WIPI1: variants seen among roughly 807,000 people sequenced by gnomAD.
WIPI1 encodes WD repeat domain phosphoinositide-interacting protein 1.
WIPI1 carries 45 observed loss-of-function variants against 55.3 expected under a neutral mutation model. That is an observed-to-expected ratio of 0.81 (90% CI 0.64 to 1.04). The LOEUF is 1.04. WIPI1 is among the 50% of genes least tolerant of loss of function. WIPI1 has a pLI of 0.00. For synonymous variants in WIPI1, 195 were observed against 217.6 expected (o/e 0.90, Z 0.92); for missense variants, 445 against 559.0 (o/e 0.80, Z 2.06).
intron 8 of WIPI1, among the ~76,000 whole-genome samples, chr17:68,431,834 G>C (rs1042847940): frequency 3.3e-4 from 7 of 21,240 alleles, no homozygotes; most frequent in African/African-American, 1.6e-3. Context: ...CTCACAGACA[G>C]AAACGGGAGA....
At chr17:68,433,612 G>C in intron 7 of WIPI1, 37 bp from the exon 8 acceptor site, 1 of 1,553,886 alleles carries the variant, frequency 6.4e-7, no homozygotes, top group East Asian at 2.2e-5. Context: ...GTGAGCAAGA[G>C]AAATGGGAGT....
intron 12 of WIPI1, chr17:68,422,151 G>T: frequency 4.1e-6 from 1 of 243,746 alleles, no homozygotes; most frequent in Non-Finnish European, 8.2e-6. Context: ...GTTTAGGCTG[G>T]GCGCGGTGGC....
rs531426142 is a variant in WIPI1 at position 68,449,083 on chromosome 17, G to T, written c.333+1645C>A. 4.6e-5 allele frequency among the ~76,000 whole-genome samples: 7 copies of T among 152,154 alleles called. No homozygotes were observed. In the East Asian group the frequency reaches 9.6e-4, roughly 21 times the overall value. ...TAAAAAGCATTTATTTGTCTCATTT[G>T]TTAAAAAAAATTAATTAGTACTTAA... On this transcript the variant is annotated intron_variant, in intron 3 of 12. Transcript: ENST00000262139.
At position 68,435,728 on chromosome 17, in the gene WIPI1, A is replaced by G; in HGVS notation, c.529-16T>C. Reference sequence around the variant, plus strand: ...AGACTGTTTTCTGTTGGTGAAAAGGAAAAATGGATACAGATGCTGCGGAGG... The same window carrying G: ...AGACTGTTTTCTGTTGGTGAAAAGGGAAAATGGATACAGATGCTGCGGAGG... On this transcript the variant is annotated splice_polypyrimidine_tract_variant and intron_variant, in intron 5 of 12. Transcript: ENST00000262139. 6.2e-7 allele frequency: 1 copy of G among 1,611,186 alleles called. No homozygotes were observed. The highest frequency in any genetic ancestry group is 1.7e-5 in the Admixed American group (1 of 60,016).
intron 4 of WIPI1, among the ~76,000 whole-genome samples, chr17:68,443,321 C>T (rs757310902): frequency 2.0e-5 from 3 of 152,144 alleles, no homozygotes; most frequent in Non-Finnish European, 4.4e-5. Context: ...TCATGTTGGT[C>T]AGGCTGGTCT....
chr17:68,433,345 T>G, intron 8 of WIPI1, 123 bp downstream of exon 8: 1 of 926,668 alleles, frequency 1.1e-6, no homozygotes, highest in Non-Finnish European at 1.7e-6. Flanking sequence ...ATCACTTAGG[T>G]GAAGTCCCAA....
intron 7 of WIPI1, among the ~76,000 whole-genome samples, 176 bp downstream of exon 7, chr17:68,434,380 A>C (rs1384826973): frequency 6.6e-6 from 1 of 152,200 alleles, no homozygotes; most frequent in African/African-American, 2.4e-5. Flanking sequence ...CTCGGCTTTC[A>C]GTTTTGCTGA....
At chr17:68,438,623 T>C (rs1454671916) in intron 4 of WIPI1, among the ~76,000 whole-genome samples, 1 of 152,178 alleles carries the variant, frequency 6.6e-6, no homozygotes. Flanking sequence ...TTTTTTGAGA[T>C]GGAGTCTTAC....
intron 1 of WIPI1, among the ~76,000 whole-genome samples, chr17:68,453,441 G>A (rs2084564502): frequency 6.7e-6 from 1 of 148,838 alleles, no homozygotes; most frequent in African/African-American, 2.5e-5. Context: ...TTATTTGTTT[G>A]TTGCTTATAA....
chr17:68,443,667 T>C (rs1285410325), intron 4 of WIPI1, among the ~76,000 whole-genome samples: 1 of 152,214 alleles, frequency 6.6e-6, no homozygotes, highest in East Asian at 1.9e-4. Context: ...CAGATAGATC[T>C]TGAAATTCAG....
chr17:68,431,055 T>C (rs1018563798), intron 8 of WIPI1, among the ~76,000 whole-genome samples: 1 of 152,210 alleles, frequency 6.6e-6, no homozygotes, highest in Non-Finnish European at 1.5e-5. Flanking sequence ...CGAAGCATCC[T>C]GAGACATCCT....
chr17:68,426,513 C>T (rs562308804), intron 11 of WIPI1, among the ~76,000 whole-genome samples: 50 of 152,226 alleles, frequency 3.3e-4, no homozygotes, highest in African/African-American at 9.4e-4. Flanking sequence ...GCTAGGACTA[C>T]AGGCTCTTTG....
At chr17:68,444,981 C>T (rs7222332) in intron 3 of WIPI1, among the ~76,000 whole-genome samples, 7,527 of 143,560 alleles carry the variant, frequency 0.052, 196 homozygotes, top group Middle Eastern at 0.11. Context: ...AGTGCAGTGG[C>T]GCAATCTCAG....
intron 3 of WIPI1, among the ~76,000 whole-genome samples, chr17:68,445,469 G>A (rs1055220505): frequency 6.6e-6 from 1 of 152,152 alleles, no homozygotes; most frequent in Non-Finnish European, 1.5e-5. Flanking sequence ...TTGGGCCGCT[G>A]TCTGAGCCCT....
chr17:68,456,077 A>G (rs897397796), intron 1 of WIPI1, among the ~76,000 whole-genome samples: 2 of 152,232 alleles, frequency 1.3e-5, no homozygotes, highest in African/African-American at 4.8e-5. Context: ...AAAATTGCAC[A>G]TGATATTTTG....
intron 11 of WIPI1, 77 bp from the exon 12 acceptor site, chr17:68,426,252 G>GGGGGGGGGGGGGGGT: frequency 1.2e-6 from 1 of 828,188 alleles, no homozygotes; most frequent in Non-Finnish European, 1.9e-6. Flanking sequence ...TGGGGAGCGG[G>GGGGGGGGGGGGGGGT]GGCTCAAATA....
At chr17:68,451,420 A>C (rs2084496123) in intron 2 of WIPI1, among the ~76,000 whole-genome samples, 1 of 152,200 alleles carries the variant, frequency 6.6e-6, no homozygotes, top group Non-Finnish European at 1.5e-5. Flanking sequence ...GGCGACAAGC[A>C]AGACTCCGTC....
At position 68,441,982 on chromosome 17, in the gene WIPI1, G is replaced by A. The variant is rs575989819; in HGVS notation, c.430+2511C>T. On this transcript the variant is annotated intron_variant, in intron 4 of 12. Transcript: ENST00000262139. ...TTTATCTGAGACAGAGGAAGTCTCT[G>A]CTATTGTTTCTCATTTTTCTTGAGA... Among the ~76,000 whole-genome samples, 7 of 152,242 alleles carry A rather than the reference G, an allele frequency of 4.6e-5. No individual in the cohort carries two copies. In the East Asian group the frequency reaches 1.2e-3, roughly 25 times the overall value.
intron 4 of WIPI1, among the ~76,000 whole-genome samples, chr17:68,437,929 G>C (rs545878797): frequency 2.8e-5 from 3 of 107,216 alleles, no homozygotes; most frequent in African/African-American, 1.1e-4. Context: ...TTGAGATCAC[G>C]CAAGAGAGAC....
Sources: allele counts gnomAD v4.1 joint callset (sites outside exome capture counted in the v4.1 genomes callset), GRCh38; gene constraint gnomAD v4.1.1; transcripts MANE v1.5; gene names NCBI Gene and HGNC (gene_info 2026-07-23, HGNC 2026-07-21).